Variants in MACROD2 observed in about 807,000 individuals in gnomAD.
The protein encoded by MACROD2 is mono-ADP ribosylhydrolase 2, also known as ADP-ribose glycohydrolase MACROD2.
Under a neutral mutation model 70.4 loss-of-function variants are expected in MACROD2, and 36 were observed. The observed-to-expected ratio is 0.51, with a 90% CI of 0.39 to 0.68. The LOEUF is 0.68. MACROD2 is among the 30% of genes least tolerant of loss of function. The pLI is 0.00. For synonymous variants in MACROD2, 172 were observed against 178.8 expected (o/e 0.96, Z 0.30); for missense variants, 496 against 538.4 (o/e 0.92, Z 0.78).
intron 2 of MACROD2, among the ~76,000 whole-genome samples, chr20:14,007,831 G>T (rs1370753880): frequency 6.6e-6 from 1 of 152,160 alleles, no homozygotes; most frequent in Non-Finnish European, 1.5e-5. Context: ...AGGGAAAGCA[G>T]CTATGGCTAT....
intron 3 of MACROD2, among the ~76,000 whole-genome samples, chr20:14,376,185 T>C (rs979683968): frequency 6.6e-6 from 1 of 152,164 alleles, no homozygotes; most frequent in African/African-American, 2.4e-5. Flanking sequence ...ATATATGAAA[T>C]TGGAGATATT....
At chr20:14,937,387 GT>G (rs1347226826) in intron 5 of MACROD2, among the ~76,000 whole-genome samples, 1 of 151,762 alleles carries the variant, frequency 6.6e-6, no homozygotes, top group African/African-American at 2.4e-5. Flanking sequence ...TGTGTGAAAG[GT>G]TTTTTTTCAT....
intron 5 of MACROD2, among the ~76,000 whole-genome samples, chr20:14,875,125 G>A (rs1388290203): frequency 3.3e-5 from 5 of 151,928 alleles, no homozygotes; most frequent in Non-Finnish European, 5.9e-5. Flanking sequence ...GCTCATGCCT[G>A]TAATCCTAGC....
intron 6 of MACROD2, among the ~76,000 whole-genome samples, chr20:15,293,113 G>C (rs936595286): frequency 1.3e-5 from 2 of 152,128 alleles, no homozygotes; most frequent in Non-Finnish European, 2.9e-5. Context: ...CCATTTCTCA[G>C]CTACTTCTTG....
At chr20:14,984,461 G>A (rs868647864) in intron 5 of MACROD2, among the ~76,000 whole-genome samples, 8 of 152,232 alleles carry the variant, frequency 5.3e-5, no homozygotes, top group Admixed American at 1.3e-4. Flanking sequence ...CTCTGTGGGC[G>A]GATGCTCCCC....
intron 7 of MACROD2, among the ~76,000 whole-genome samples, chr20:15,460,152 C>CTGGGTTT (rs1241649228): frequency 6.6e-6 from 1 of 152,152 alleles, no homozygotes; most frequent in Non-Finnish European, 1.5e-5. Context: ...TTGTTTTCAG[C>CTGGGTTT]CACTCTACTC....
At chr20:14,925,983 T>C (rs879547536) in intron 5 of MACROD2, among the ~76,000 whole-genome samples, 1 of 152,188 alleles carries the variant, frequency 6.6e-6, no homozygotes, top group Non-Finnish European at 1.5e-5. Flanking sequence ...GCCTTGTCTC[T>C]GTGGCATACT....
At chr20:14,629,827 T>A (rs1191224037) in intron 4 of MACROD2, among the ~76,000 whole-genome samples, 1 of 152,176 alleles carries the variant, frequency 6.6e-6, no homozygotes, top group Non-Finnish European at 1.5e-5. Flanking sequence ...TATTTCCTGG[T>A]CAATCTTAAT....
intron 5 of MACROD2, among the ~76,000 whole-genome samples, chr20:14,726,136 A>T (rs1019988304): frequency 6.6e-6 from 1 of 152,220 alleles, no homozygotes; most frequent in African/African-American, 2.4e-5. Flanking sequence ...TCATTGAAGC[A>T]TATTAACCAA....
intron 9 of MACROD2, among the ~76,000 whole-genome samples, chr20:15,884,459 G>A (rs1460000799): frequency 6.6e-6 from 1 of 152,016 alleles, no homozygotes; most frequent in African/African-American, 2.4e-5. Flanking sequence ...AGGTATCATT[G>A]GCCTTGAGTG....
intron 2 of MACROD2, among the ~76,000 whole-genome samples, chr20:14,031,940 A>G (rs2053250468): frequency 6.6e-6 from 1 of 152,136 alleles, no homozygotes; most frequent in Non-Finnish European, 1.5e-5. Context: ...TGAGGCCTAG[A>G]GAGGTTAACT....
intron 4 of MACROD2, among the ~76,000 whole-genome samples, chr20:14,574,966 G>T (rs1980480541): frequency 7.3e-6 from 1 of 137,478 alleles, no homozygotes; most frequent in Non-Finnish European, 1.5e-5. Flanking sequence ...AGCCGAGATT[G>T]CGCCACTGCA....
chr20:14,852,635 G>A (rs62202766), intron 5 of MACROD2, among the ~76,000 whole-genome samples: 1 of 152,116 alleles, frequency 6.6e-6, no homozygotes, highest in Non-Finnish European at 1.5e-5. Context: ...GCCAGCATGA[G>A]GCCACACTTT....
chr20:15,368,669 G>A (rs2045447157), intron 6 of MACROD2, among the ~76,000 whole-genome samples: 1 of 151,974 alleles, frequency 6.6e-6, no homozygotes, highest in Admixed American at 6.6e-5. Context: ...CCCCATGTTG[G>A]CCAGGCTGGT....
At chr20:15,714,608 A>G (rs570515750) in intron 8 of MACROD2, among the ~76,000 whole-genome samples, 14 of 152,294 alleles carry the variant, frequency 9.2e-5, no homozygotes, top group Admixed American at 4.6e-4. Flanking sequence ...CTCATAGGGA[A>G]GCACTCACTC....
chr20:14,616,575 A>T (rs1169805646), intron 4 of MACROD2, among the ~76,000 whole-genome samples: 1 of 152,114 alleles, frequency 6.6e-6, no homozygotes, highest in Non-Finnish European at 1.5e-5. Context: ...TATTTTCAGG[A>T]TTTGAACAAA....
At chr20:15,805,408 G>A (rs2063760167) in intron 8 of MACROD2, among the ~76,000 whole-genome samples, 1 of 152,056 alleles carries the variant, frequency 6.6e-6, no homozygotes, top group African/African-American at 2.4e-5. Context: ...CTATTGTTAT[G>A]GTTATCTAGG....
At chr20:14,307,131 A>T (rs945437110) in intron 3 of MACROD2, among the ~76,000 whole-genome samples, 16 of 152,158 alleles carry the variant, frequency 1.1e-4, no homozygotes, top group Middle Eastern at 3.2e-3. Flanking sequence ...TGACTTACTG[A>T]TAATTGCTTA....
At chr20:15,964,608 A>T (rs957188494) in intron 12 of MACROD2, among the ~76,000 whole-genome samples, 2 of 152,164 alleles carry the variant, frequency 1.3e-5, no homozygotes, top group African/African-American at 2.4e-5. Flanking sequence ...TTTCTCCATC[A>T]TTATGAGTAA....
Sources: gnomAD v4.1 joint callset for allele counts (sites outside exome capture counted in the v4.1 genomes callset) on GRCh38, gnomAD v4.1.1 for gene constraint, MANE v1.5 for transcripts, NCBI Gene and HGNC (gene_info 2026-07-23, HGNC 2026-07-21) for gene names.